Variants in WIZ observed in about 807,000 individuals in gnomAD.
The protein encoded by WIZ is protein Wiz.
Under a neutral mutation model 140.2 loss-of-function variants are expected in WIZ, and 25 were observed. That is an observed-to-expected ratio of 0.18 (90% confidence interval 0.13 to 0.25). The LOEUF (loss-of-function observed/expected upper bound fraction) is 0.25, where lower values mean the gene tolerates loss of function less well. Among genes scored for constraint, WIZ ranks in the 10% least tolerant of loss-of-function variants. WIZ has a pLI of 1.00. For synonymous variants in WIZ, 1,125 were observed against 1,154.3 expected (o/e 0.97, Z 0.51); for missense variants, 2,231 against 2,632.6 (o/e 0.85, Z 3.34).
At chr19:15,432,491 C>A in intron 5 of WIZ, 1 of 980,396 alleles carries the variant, frequency 1.0e-6, no homozygotes, top group South Asian at 4.5e-5. Flanking sequence ...TTGGGCCCGT[C>A]CCGCGGCGGC....
Position 15,439,758 on chromosome 19 carries a change from T to A in WIZ, c.1236A>T (p.Ser412=), listed in dbSNP as rs560188179. 1 of 1,479,184 alleles carries A rather than the reference T, an allele frequency of 6.8e-7. No homozygotes were observed. Among genetic ancestry groups the A allele is most frequent in the East Asian group, 2.5e-5 (1 of 40,476 alleles). The allele number at this position is 1,479,184 out of a possible 1,614,324, so 91.6% of individuals were successfully genotyped here. The part of the protein sequence containing the change: ...QCPKCVFGTN[S]SRAYVQHAKL... ...TGGCATGCTGCACATAGGCCCTGGA[T>A]GAATTGGTGCCAAAGACACACTTAG... Residue 412 remains serine (S), a synonymous_variant, in exon 4 of 13, where the codon TCA becomes TCT. Coordinates refer to ENST00000673675, the MANE Select transcript of WIZ (RefSeq NM_001371589.1). This position sits in a 1 kb window ranked among gnomAD's most constrained non-coding sequence, Gnocchi z 7.0.
Position 15,427,155 on chromosome 19 carries a change from G to A in WIZ, c.4193C>T (p.Ala1398Val). 1 of 1,614,202 alleles carries A rather than the reference G, an allele frequency of 6.2e-7. No individual in the cohort carries two copies. ...HSPTASPPPT[A>V]RKMFPGLAAP... Reference sequence around the variant, plus strand: ...AGCCAGGCCTGGGAACATCTTTCGGGCCGTAGGAGGAGGAGAGGCAGTTGG... The same window carrying A: ...AGCCAGGCCTGGGAACATCTTTCGGACCGTAGGAGGAGGAGAGGCAGTTGG... The change falls in exon 9 of 13, where the codon GCC becomes GTC. Residue 1398 changes from alanine (A) to valine (V), a missense_variant. Physicochemically the swap from Ala to Val is moderately conservative, Grantham distance 64. Coordinates refer to ENST00000673675, the MANE Select transcript of WIZ (RefSeq NM_001371589.1). This position sits in a 1 kb window ranked among gnomAD's most constrained non-coding sequence, Gnocchi z 6.4.
Position 15,423,246 on chromosome 19 carries a change from G to A in WIZ, c.5511-11C>T. On this transcript the variant is annotated splice_polypyrimidine_tract_variant and intron_variant, in intron 12 of 12. Coordinates refer to ENST00000673675, the MANE Select transcript of WIZ (RefSeq NM_001371589.1). ...TCCACCTCACAGAACCTGCATGGGG[G>A]AACAGAGAGAGGGAGTGGCCAGTGC... 6.2e-7 allele frequency: 1 copy of A among 1,612,978 alleles called. No individual in the cohort carries two copies.
At position 15,422,923 on chromosome 19, in the gene WIZ, T is replaced by C; in HGVS notation, c.*153A>G. On this transcript the variant is annotated 3_prime_UTR_variant, in exon 13 of 13. Coordinates refer to ENST00000673675, the MANE Select transcript of WIZ (RefSeq NM_001371589.1). Reference sequence around the variant, plus strand: ...GGCAGCTAGCTGGCTCCCGGCGCCCTGGCTGTAGTGTGCCCGGCCCCCAAG... The same window carrying C: ...GGCAGCTAGCTGGCTCCCGGCGCCCCGGCTGTAGTGTGCCCGGCCCCCAAG... 8.3e-7 allele frequency: 1 copy of C among 1,203,714 alleles called. No homozygotes were observed. Among genetic ancestry groups the C allele is most frequent in the South Asian group, 1.6e-5 (1 of 62,080 alleles). 74.6% of individuals were successfully genotyped at this position (1,203,714 alleles called of 1,614,324 possible).
intron 4 of WIZ, among the ~76,000 whole-genome samples, chr19:15,437,495 T>G (rs909671162): frequency 2.0e-5 from 3 of 152,162 alleles, no homozygotes; most frequent in Non-Finnish European, 4.4e-5. Context: ...AGACCCCATC[T>G]CTATAAAAAA....
Position 15,427,625 on chromosome 19 carries a change from A to T in WIZ, c.3815-92T>A. On this transcript the variant is annotated intron_variant, in intron 8 of 12. Transcript: ENST00000673675. The surrounding 1 kb of genome is among the most constrained non-coding windows in gnomAD (Gnocchi z 6.4). ...TCCTGGTCGGCTGGGCGTGGGCGGC[A>T]GCAGCACGCCCACAGGTTAGGGTGG... The T allele has an allele frequency of 7.3e-7, 1 of 1,378,000 alleles. No homozygotes were observed. The highest frequency in any genetic ancestry group is 9.7e-7 in the Non-Finnish European group (1 of 1,027,188). 85.4% of individuals were successfully genotyped at this position (1,378,000 alleles called of 1,614,324 possible). A position where few individuals can be genotyped will look rare whatever the true frequency, so the allele number is the denominator to read the frequency against.
In WIZ at chr19:15,434,573, G is replaced by A. The variant is rs200859810; in HGVS notation, c.2740+2233C>T. ...GCGATACTCCATCTCAAGACAGAGC[G>A]AGACTCCATCTCAAAAAAAAAAAAA... On this transcript the variant is annotated intron_variant, in intron 5 of 12. Transcript: ENST00000673675. Among the ~76,000 whole-genome samples the A allele has an allele frequency of 5.0e-5, 6 of 119,228 alleles. No homozygotes were observed. The East Asian group carries it at 9.9e-4, about 20-fold the overall frequency. The allele number at this position is 119,228 out of a possible 152,430, so 78.2% of individuals were successfully genotyped here. A position where few individuals can be genotyped will look rare whatever the true frequency, so the allele number is the denominator to read the frequency against.
Position 15,439,451 on chromosome 19 carries a change from C to T in WIZ, c.1543G>A (p.Ala515Thr), listed in dbSNP as rs546930056. The T allele has an allele frequency of 5.2e-6, 8 of 1,533,184 alleles. No individual in the cohort carries two copies. In the East Asian group the frequency reaches 7.3e-5, roughly 14 times the overall value. 95.0% of individuals were successfully genotyped at this position (1,533,184 alleles called of 1,614,324 possible). A position where few individuals can be genotyped will look rare whatever the true frequency, so the allele number is the denominator to read the frequency against. The change falls in exon 4 of 13, where the codon GCC becomes ACC. Residue 515 changes from alanine (A) to threonine (T), a missense_variant. Ala to Thr is a moderately conservative substitution (Grantham distance 58, BLOSUM62 0). This residue lies in a region of WIZ where 475 missense variants were observed against 520.2 expected (regional missense o/e 0.91). Transcript: ENST00000673675. The surrounding 1 kb of genome is among the most constrained non-coding windows in gnomAD (Gnocchi z 7.0). ...TCCACAGCAGTGTCAGGGAAGCAGG[C>T]GTGAGCATCCTGGCTAGTGCCTGGC... ...SQPGTSQDAHACFPDTAVDYF... is the reference protein window; with the variant it reads ...SQPGTSQDAHTCFPDTAVDYF...
chr19:15,420,513 C>T lies in WIZ; in HGVS notation c.*2563G>A, dbSNP rs1423895201. ...TCTTCTGCGCCCTGCAGGTTCGTTC[C>T]TTCATCGCACTTGCCACAGTCATCA... On this transcript the variant is annotated 3_prime_UTR_variant, in exon 13 of 13. Coordinates refer to ENST00000673675, the MANE Select transcript of WIZ (RefSeq NM_001371589.1). The T allele has an allele frequency of 1.3e-5, 2 of 152,266 alleles. No homozygotes were observed. The highest frequency in any genetic ancestry group is 2.9e-5 in the Non-Finnish European group (2 of 68,060). The allele number at this position is 152,266 out of a possible 1,614,324, so 9.4% of individuals were successfully genotyped here.
In WIZ at chr19:15,440,849, G is replaced by A; in HGVS notation, c.279-134C>T. 1 of 837,568 alleles carries A rather than the reference G, an allele frequency of 1.2e-6. No individual in the cohort carries two copies. Among genetic ancestry groups the A allele is most frequent in the South Asian group, 1.9e-5 (1 of 53,514 alleles). The allele number at this position is 837,568 out of a possible 1,614,324, so 51.9% of individuals were successfully genotyped here. ...GCCCGAGGGTGACAGGGGTGTGGGG[G>A]TGAGGGTGGGAGGTAGGGGGAGTCC... is the stretch of plus-strand genomic sequence containing the variant. On this transcript the variant is annotated intron_variant, in intron 3 of 12. Coordinates refer to ENST00000673675, the MANE Select transcript of WIZ (RefSeq NM_001371589.1). This position sits in a 1 kb window ranked among gnomAD's most constrained non-coding sequence, Gnocchi z 6.2.
chr19:15,423,217 G>A lies in WIZ; in HGVS notation c.5529C>T (p.Phe1843=). 1 of 1,613,724 alleles carries A rather than the reference G, an allele frequency of 6.2e-7. No individual in the cohort carries two copies. Among genetic ancestry groups the A allele is most frequent in the African/African-American group, 1.3e-5 (1 of 75,020 alleles). The change falls in exon 13 of 13, where the codon TTC becomes TTT. Residue 1843 remains phenylalanine, a synonymous_variant. Transcript: ENST00000673675. The stretch of plus-strand genomic sequence containing the variant: ...CTTCCTGGATGGAGAGGGGGCCCTG[G>A]AATTCCACCTCACAGAACCTGCATG... ...TLKCRFCEVE[F]QGPLSIQEEW... is the part of the protein sequence containing the mutation.
Position 15,423,249 on chromosome 19 carries a change from C to T in WIZ, c.5511-14G>A. ...ACCTCACAGAACCTGCATGGGGGAA[C>T]AGAGAGAGGGAGTGGCCAGTGCTGT... On this transcript the variant is annotated splice_polypyrimidine_tract_variant and intron_variant, in intron 12 of 12. Transcript: ENST00000673675. The T allele has an allele frequency of 6.2e-7, 1 of 1,612,376 alleles. No homozygotes were observed. Among genetic ancestry groups the T allele is most frequent in the Non-Finnish European group, 8.5e-7 (1 of 1,179,232 alleles).
In WIZ at chr19:15,423,588, T is replaced by A. The variant is rs917483071; in HGVS notation, c.5511-353A>T. Among the ~76,000 whole-genome samples, 8 of 151,486 alleles carry A rather than the reference T, an allele frequency of 5.3e-5. No individual in the cohort carries two copies. In the South Asian group the frequency reaches 1.5e-3, roughly 28 times the overall value. On this transcript the variant is annotated intron_variant, in intron 12 of 12. Coordinates refer to ENST00000673675, the MANE Select transcript of WIZ (RefSeq NM_001371589.1). ...TACCCAACGCACCAAGCCCCCCACC[T>A]CCTCCTGTCTTCCTGGCACCTAAAA...
Position 15,428,133 on chromosome 19 carries a change from A to G in WIZ, c.3791T>C (p.Val1264Ala). Residue 1264 changes from valine (V) to alanine (A), a missense_variant, in exon 8 of 13, where the codon GTG becomes GCG. By Grantham distance (64) the Val-to-Ala change is moderately conservative (BLOSUM62 0). Coordinates refer to ENST00000673675, the MANE Select transcript of WIZ (RefSeq NM_001371589.1). This position sits in a 1 kb window ranked among gnomAD's most constrained non-coding sequence, Gnocchi z 6.4. ...AAAGIFWASDVEPSPLNLSSG... is the reference protein window; with the variant it reads ...AAAGIFWASDAEPSPLNLSSG... ...ACAGAGGTTGAGAGGAGACGGCTCCACATCAGAGGCCCAGAAAATGCCGGC... is the reference window on the plus strand; with the variant it reads ...ACAGAGGTTGAGAGGAGACGGCTCCGCATCAGAGGCCCAGAAAATGCCGGC... 1 of 1,534,248 alleles carries G rather than the reference A, an allele frequency of 6.5e-7. No individual in the cohort carries two copies. Among genetic ancestry groups the G allele is most frequent in the Non-Finnish European group, 8.7e-7 (1 of 1,146,760 alleles).
At chr19:15,436,784 A>G (rs1173126499) in intron 5 of WIZ, 22 bp downstream of exon 5, 1 of 1,540,154 alleles carries the variant, frequency 6.5e-7, no homozygotes, top group Non-Finnish European at 8.7e-7. Context: ...GGGCTCCAGC[A>G]CAGCCCGTCC....
rs1968931714 is a variant in WIZ at position 15,427,646 on chromosome 19, G to C, written c.3815-113C>G. On this transcript the variant is annotated intron_variant, in intron 8 of 12. Transcript: ENST00000673675. This position sits in a 1 kb window ranked among gnomAD's most constrained non-coding sequence, Gnocchi z 6.4. ...CGGCAGCAGCACGCCCACAGGTTAGGGTGGTGAGGGCAGGTGCAGGTAAGG... is the reference window on the plus strand; with the variant it reads ...CGGCAGCAGCACGCCCACAGGTTAGCGTGGTGAGGGCAGGTGCAGGTAAGG... The C allele has an allele frequency of 3.3e-6, 4 of 1,218,514 alleles. No individual in the cohort carries two copies. The highest frequency in any genetic ancestry group is 4.5e-6 in the Non-Finnish European group (4 of 892,882). 75.5% of individuals were successfully genotyped at this position (1,218,514 alleles called of 1,614,324 possible).
At position 15,445,382 on chromosome 19, in the gene WIZ, C is replaced by T. The variant is rs192960590; in HGVS notation, c.206-2634G>A. On this transcript the variant is annotated intron_variant, in intron 2 of 12. Transcript: ENST00000673675. ...TCCGCTGTGCAATGGGAACAGCCACCGACCCAGTCTCGCAGGGCCAGCAAT... is the reference window on the plus strand; with the variant it reads ...TCCGCTGTGCAATGGGAACAGCCACTGACCCAGTCTCGCAGGGCCAGCAAT... Among the ~76,000 whole-genome samples, 6 of 152,310 alleles carry T rather than the reference C, an allele frequency of 3.9e-5. No homozygotes were observed. In the East Asian group the frequency reaches 5.8e-4, roughly 15 times the overall value.
At chr19:15,432,526 G>A (rs1969325499) in intron 5 of WIZ, 2 of 903,550 alleles carry the variant, frequency 2.2e-6, no homozygotes, top group Non-Finnish European at 1.3e-6. Context: ...TGGTGGTGGC[G>A]GCGGCGGCGG....
At chr19:15,438,506 G>A in intron 4 of WIZ, 72 bp downstream of exon 4, 1 of 1,422,618 alleles carries the variant, frequency 7.0e-7, no homozygotes, top group Non-Finnish European at 9.2e-7. Flanking sequence ...GGCGCTAAGG[G>A]AGAGAATTTA....
Sources: allele counts gnomAD v4.1 joint callset (sites outside exome capture counted in the v4.1 genomes callset), GRCh38; gene constraint gnomAD v4.1.1; regional missense constraint gnomAD v4.1.1; non-coding constraint Gnocchi (gnomAD v3.1); transcripts MANE v1.5; gene names NCBI Gene and HGNC (gene_info 2026-07-23, HGNC 2026-07-21).